The following GRM8 variants were observed in gnomAD, a reference collection of about 807,000 sequenced individuals.
The protein encoded by GRM8 is metabotropic glutamate receptor 8.
In GRM8, 47 loss-of-function variants were observed where a neutral mutation model predicts 87.2. The ratio of observed to expected loss-of-function variants is 0.54; its 90% CI spans 0.43 to 0.69. GRM8 has a LOEUF of 0.69. Among genes scored for constraint, GRM8 ranks in the 30% least tolerant of loss-of-function variants. The pLI is 0.00. For synonymous variants in GRM8, 396 were observed against 404.5 expected (o/e 0.98, Z 0.25); for missense variants, 1,019 against 1,139.2 (o/e 0.89, Z 1.52).
At chr7:126,874,503 T>C (rs4731334) in intron 6 of GRM8, among the ~76,000 whole-genome samples, 14,807 of 152,124 alleles carry the variant, frequency 0.097, 763 homozygotes, top group Middle Eastern at 0.14. Context: ...ATGGCTGTTA[T>C]TTTTCCACTG....
intron 7 of GRM8, among the ~76,000 whole-genome samples, chr7:126,748,839 T>A (rs1353550798): frequency 6.6e-6 from 1 of 152,076 alleles, no homozygotes; most frequent in Non-Finnish European, 1.5e-5. Flanking sequence ...GACTTACACA[T>A]ATGTATTCAA....
chr7:126,989,014 T>A (rs778785694), intron 3 of GRM8, among the ~76,000 whole-genome samples: 1 of 152,182 alleles, frequency 6.6e-6, no homozygotes, highest in Non-Finnish European at 1.5e-5. Flanking sequence ...AATATATGAT[T>A]GTTTGAATGA....
chr7:126,652,440 G>A (rs569072339), intron 7 of GRM8, among the ~76,000 whole-genome samples: 1 of 152,198 alleles, frequency 6.6e-6, no homozygotes, highest in Non-Finnish European at 1.5e-5. Context: ...TGTCTGTGAG[G>A]GTGTTGCCAA....
intron 6 of GRM8, among the ~76,000 whole-genome samples, chr7:126,787,631 T>C (rs1226118035): frequency 6.6e-6 from 1 of 152,162 alleles, no homozygotes; most frequent in Non-Finnish European, 1.5e-5. Flanking sequence ...TACAAAGTAT[T>C]TTCTATTCTC....
At chr7:127,113,004 C>A (rs939407685) in intron 2 of GRM8, among the ~76,000 whole-genome samples, 9 of 152,150 alleles carry the variant, frequency 5.9e-5, no homozygotes, top group Non-Finnish European at 1.3e-4. Context: ...ACATCTCCCC[C>A]AAACCAACTG....
intron 7 of GRM8, among the ~76,000 whole-genome samples, chr7:126,708,399 C>A (rs997646194): frequency 2.0e-5 from 3 of 151,896 alleles, no homozygotes; most frequent in Admixed American, 2.0e-4. Flanking sequence ...GGAATGAAAT[C>A]AGTTTATTAA....
chr7:126,806,761 C>G (rs1792792159), intron 6 of GRM8, among the ~76,000 whole-genome samples: 1 of 152,262 alleles, frequency 6.6e-6, no homozygotes, highest in African/African-American at 2.4e-5. Context: ...GCTCGCCCCC[C>G]AGTCAAGCCC....
At chr7:126,536,723 TAAGAA>T (rs1216569823) in intron 8 of GRM8, among the ~76,000 whole-genome samples, 4 of 152,016 alleles carry the variant, frequency 2.6e-5, no homozygotes, top group African/African-American at 9.7e-5. Context: ...ACTCATAAGA[TAAGAA>T]AATACATTTT....
At chr7:127,226,266 C>T (rs2116764641) in intron 2 of GRM8, among the ~76,000 whole-genome samples, 1 of 152,300 alleles carries the variant, frequency 6.6e-6, no homozygotes, top group South Asian at 2.1e-4. Context: ...CATGATATAA[C>T]AAAGAGAAGG....
intron 3 of GRM8, among the ~76,000 whole-genome samples, chr7:126,906,896 AATTG>A (rs1332940051): frequency 1.3e-5 from 2 of 152,164 alleles, no homozygotes; most frequent in African/African-American, 4.8e-5. Flanking sequence ...TAGTTGTGAT[AATTG>A]ATTCATTCCT....
intron 6 of GRM8, among the ~76,000 whole-genome samples, chr7:126,782,413 C>T (rs1274872277): frequency 6.6e-6 from 1 of 152,132 alleles, no homozygotes; most frequent in African/African-American, 2.4e-5. Context: ...CTCTTTTCAG[C>T]TTCATTTTCT....
chr7:127,204,673 T>A (rs560584038), intron 2 of GRM8, among the ~76,000 whole-genome samples: 27 of 145,432 alleles, frequency 1.9e-4, no homozygotes, highest in African/African-American at 6.8e-4. Flanking sequence ...TTTTTTTTTT[T>A]ATAACATATC....
intron 6 of GRM8, among the ~76,000 whole-genome samples, chr7:126,878,852 C>A (rs1166877061): frequency 6.6e-6 from 1 of 151,528 alleles, no homozygotes; most frequent in African/African-American, 2.4e-5. Flanking sequence ...CTAAAACTTG[C>A]CCTTTTTATT....
chr7:126,753,371 C>A (rs184356627), intron 7 of GRM8, among the ~76,000 whole-genome samples: 1 of 143,766 alleles, frequency 7.0e-6, no homozygotes, highest in Non-Finnish European at 1.5e-5. Context: ...ACAGAATATA[C>A]GCACGCACAC....
intron 3 of GRM8, among the ~76,000 whole-genome samples, chr7:126,950,965 A>G (rs1808076755): frequency 6.6e-6 from 1 of 151,566 alleles, no homozygotes; most frequent in Non-Finnish European, 1.5e-5. Context: ...TTATAATAAT[A>G]TTAAACTTCC....
At chr7:126,775,448 A>G (rs1413460860) in intron 6 of GRM8, among the ~76,000 whole-genome samples, 2 of 149,132 alleles carry the variant, frequency 1.3e-5, no homozygotes, top group Middle Eastern at 3.5e-3. Flanking sequence ...ATCACACACT[A>G]AAGAGTGAGC....
intron 9 of GRM8, among the ~76,000 whole-genome samples, chr7:126,457,448 T>A (rs1368008576): frequency 6.6e-6 from 1 of 151,526 alleles, no homozygotes; most frequent in Non-Finnish European, 1.5e-5. Flanking sequence ...GATGGCCACA[T>A]TCTGGGAAAT....
At chr7:127,244,731 C>T (rs1311856582) in intron 1 of GRM8, among the ~76,000 whole-genome samples, 2 of 152,082 alleles carry the variant, frequency 1.3e-5, no homozygotes, top group Non-Finnish European at 2.9e-5. Flanking sequence ...TCCTTCTTGC[C>T]CCGAAAGGAA....
At chr7:126,815,022 AT>A (rs1278635803) in intron 6 of GRM8, among the ~76,000 whole-genome samples, 1 of 152,136 alleles carries the variant, frequency 6.6e-6, no homozygotes. Flanking sequence ...ACTCTATATA[AT>A]TCTAAATTTG....
Sources: gnomAD v4.1 joint callset for allele counts (sites outside exome capture counted in the v4.1 genomes callset) on GRCh38, gnomAD v4.1.1 for gene constraint, MANE v1.5 for transcripts, NCBI Gene and HGNC (gene_info 2026-07-23, HGNC 2026-07-21) for gene names.